Variants in DCBLD1 observed in about 807,000 individuals in gnomAD.
The protein encoded by DCBLD1 is discoidin, CUB and LCCL domain containing 1.
Under a neutral mutation model 71.5 loss-of-function variants are expected in DCBLD1, and 57 were observed. The observed-to-expected ratio is 0.80, with a 90% CI of 0.64 to 0.99. The LOEUF (loss-of-function observed/expected upper bound fraction) is 0.99. DCBLD1 is among the 50% of genes least tolerant of loss of function. The pLI is 0.00. For synonymous variants in DCBLD1, 380 were observed against 363.8 expected, an observed-to-expected ratio of 1.04 and a Z score of -0.51; for missense variants, 891 against 923.5, an observed-to-expected ratio of 0.96 and a Z score of 0.46.
chr6:117,540,389 G>A (rs913355708), intron 9 of DCBLD1: 5 of 346,482 alleles, frequency 1.4e-5, no homozygotes, highest in African/African-American at 1.0e-4. Context: ...AGCACCAGTT[G>A]AATGTAGGAA....
Position 117,545,498 on chromosome 6 carries a change from T to G in DCBLD1, c.1516T>G (p.Tyr506Asp). 1 of 1,614,144 alleles carries G rather than the reference T, an allele frequency of 6.2e-7. No individual in the cohort carries two copies. The highest frequency in any genetic ancestry group is 8.5e-7 in the Non-Finnish European group (1 of 1,180,004). ...TCCAGACTGTTGGAAGCAGATTAAA[T>G]ATCCCTTTGCCAGACATCAGTCAGC... ...QKTDCWKQIK[Y>D]PFARHQSAEF... is the part of the protein sequence containing the mutation. Residue 506 changes from tyrosine to aspartate, a missense_variant, in exon 14 of 15, where the codon TAT (tyrosine) becomes GAT (aspartate). By Grantham distance (160) the Tyr-to-Asp change is radical (BLOSUM62 -3). Transcript: ENST00000338728.
intron 6 of DCBLD1, among the ~76,000 whole-genome samples, chr6:117,533,615 T>TTC (rs1364273030): frequency 6.6e-6 from 1 of 152,242 alleles, no homozygotes; most frequent in Non-Finnish European, 1.5e-5. Flanking sequence ...AAAATGTGTC[T>TTC]TAAGTTCTGA....
intron 1 of DCBLD1, among the ~76,000 whole-genome samples, chr6:117,484,404 A>AGT (rs1777013767): frequency 6.6e-6 from 1 of 152,178 alleles, no homozygotes; most frequent in African/African-American, 2.4e-5. Flanking sequence ...GCTGCAGTGC[A>AGT]GTGGCACGAT....
intron 14 of DCBLD1, among the ~76,000 whole-genome samples, chr6:117,568,839 T>C (rs1779750319): frequency 6.6e-6 from 1 of 152,224 alleles, no homozygotes; most frequent in Non-Finnish European, 1.5e-5. Context: ...ATGCATCATA[T>C]AGAATTGAAC....
At chr6:117,503,506 A>T in intron 1 of DCBLD1, 1 of 444,458 alleles carries the variant, frequency 2.2e-6, no homozygotes. Flanking sequence ...TAATGATTAA[A>T]TGATTTGTTT....
At chr6:117,547,257 G>T (rs906179327) in intron 14 of DCBLD1, among the ~76,000 whole-genome samples, 1 of 152,146 alleles carries the variant, frequency 6.6e-6, no homozygotes, top group Non-Finnish European at 1.5e-5. Flanking sequence ...CAGGATGTGC[G>T]TTCGAATCCT....
chr6:117,523,326 G>GT (rs1473019459), intron 4 of DCBLD1, among the ~76,000 whole-genome samples: 1 of 152,170 alleles, frequency 6.6e-6, no homozygotes, highest in African/African-American at 2.4e-5. Flanking sequence ...AGTATAGAAA[G>GT]TTTTGAAAGC....
Position 117,537,165 on chromosome 6 carries a change from G to A in DCBLD1, c.720-20G>A, listed in dbSNP as rs117599001. ...GTAGGTGAGCAACTTACCTTCTCATGTTTGTCTTTATTGTTTCAGTGGTTC... is the reference window on the plus strand; with the variant it reads ...GTAGGTGAGCAACTTACCTTCTCATATTTGTCTTTATTGTTTCAGTGGTTC... On this transcript the variant is annotated intron_variant, in intron 6 of 14. Transcript: ENST00000338728. 1.7e-3 allele frequency: 2,702 copies of A among 1,613,816 alleles called. 65 individuals carry two copies. The East Asian group carries it at 0.045, about 27-fold the overall frequency.
At chr6:117,565,555 T>C (rs1779679553) in intron 14 of DCBLD1, among the ~76,000 whole-genome samples, 1 of 152,208 alleles carries the variant, frequency 6.6e-6, no homozygotes. Flanking sequence ...TGAAGTTATG[T>C]AGCAATTCCA....
intron 1 of DCBLD1, among the ~76,000 whole-genome samples, chr6:117,493,100 C>CAA (rs1777349290): frequency 1.3e-5 from 2 of 152,084 alleles, no homozygotes; most frequent in African/African-American, 4.8e-5. Context: ...TAAAATTAAA[C>CAA]CATACAAAAT....
At chr6:117,520,066 G>C in intron 3 of DCBLD1, 116 bp downstream of exon 3, 1 of 1,476,416 alleles carries the variant, frequency 6.8e-7, no homozygotes, top group South Asian at 1.2e-5. Context: ...TAAGATATGA[G>C]GGAGAAGAGG....
intron 4 of DCBLD1, among the ~76,000 whole-genome samples, chr6:117,522,376 C>T (rs1424024632): frequency 6.6e-6 from 1 of 152,070 alleles, no homozygotes; most frequent in Admixed American, 6.5e-5. Flanking sequence ...GGCAGAATCG[C>T]CCCCAGTGGA....
At chr6:117,504,882 G>A (rs529918501) in intron 2 of DCBLD1, among the ~76,000 whole-genome samples, 28 of 152,252 alleles carry the variant, frequency 1.8e-4, no homozygotes, top group African/African-American at 6.7e-4. Context: ...TAGGTTTTAG[G>A]TAAAATCCTG....
At chr6:117,486,366 T>C (rs1264208256) in intron 1 of DCBLD1, among the ~76,000 whole-genome samples, 8 of 152,246 alleles carry the variant, frequency 5.3e-5, no homozygotes, top group Non-Finnish European at 1.2e-4. Context: ...CTGTACGTAT[T>C]AGAGCAATTA....
At chr6:117,546,005 C>A (rs940242184) in intron 14 of DCBLD1, among the ~76,000 whole-genome samples, 2 of 152,160 alleles carry the variant, frequency 1.3e-5, no homozygotes. Context: ...GCCTCAGTGT[C>A]CCTGACAAGC....
chr6:117,502,507 C>T lies in DCBLD1; in HGVS notation c.113-1260C>T, dbSNP rs572044882. Among the ~76,000 whole-genome samples, 12 of 152,228 alleles carry T rather than the reference C, an allele frequency of 7.9e-5. No homozygotes were observed. The South Asian group carries it at 2.5e-3, about 32-fold the overall frequency. ...CCTCTATTACCATTTGGCCCCAACA[C>T]CTCAAGGCAAGAAGGAAGTGGAATA... On this transcript the variant is annotated intron_variant, in intron 1 of 14. Coordinates refer to ENST00000338728, the MANE Select transcript of DCBLD1 (RefSeq NM_001366458.2).
At chr6:117,492,379 A>G (rs986754558) in intron 1 of DCBLD1, among the ~76,000 whole-genome samples, 1 of 152,244 alleles carries the variant, frequency 6.6e-6, no homozygotes, top group African/African-American at 2.4e-5. Context: ...TTGTGTGCCC[A>G]AAGTGGGAAC....
chr6:117,511,990 C>G (rs957556274), intron 2 of DCBLD1, among the ~76,000 whole-genome samples: 4 of 152,152 alleles, frequency 2.6e-5, no homozygotes, highest in African/African-American at 4.8e-5. Flanking sequence ...AGATAGAATT[C>G]AGAAAGAATC....
intron 1 of DCBLD1, among the ~76,000 whole-genome samples, chr6:117,492,604 A>AT (rs555185086): frequency 2.8e-4 from 42 of 152,284 alleles, no homozygotes; most frequent in Non-Finnish European, 5.1e-4. Flanking sequence ...AAATATTAAG[A>AT]TTTTTTAAAG....
Sources: gnomAD v4.1 joint callset for allele counts (sites outside exome capture counted in the v4.1 genomes callset) on GRCh38, gnomAD v4.1.1 for gene constraint, MANE v1.5 for transcripts, NCBI Gene and HGNC (gene_info 2026-07-23, HGNC 2026-07-21) for gene names.